Variants in PHF13 observed in about 807,000 individuals in gnomAD.
PHF13 encodes the protein PHD finger protein 13.
PHF13 carries 1 observed loss-of-function variant against 25.8 expected under a neutral mutation model. That is an observed-to-expected ratio of 0.04 (90% CI 0.01 to 0.18). The LOEUF (loss-of-function observed/expected upper bound fraction) is 0.18. PHF13 is among the 10% of genes least tolerant of loss of function. The pLI, the probability that PHF13 is intolerant of heterozygous loss-of-function variation, is 1.00. For missense variants in PHF13, 306 were observed against 403.2 expected (o/e 0.76, Z 2.06); for synonymous variants, 195 against 162.4 (o/e 1.20, Z -1.53).
At position 6,621,778 on chromosome 1, in the gene PHF13, C is replaced by G; in HGVS notation, c.*141C>G. 1 of 821,050 alleles carries G rather than the reference C, an allele frequency of 1.2e-6. No homozygotes were observed. Among genetic ancestry groups the G allele is most frequent in the East Asian group, 2.7e-5 (1 of 37,600 alleles). 50.9% of individuals were successfully genotyped at this position (821,050 alleles called of 1,614,324 possible). On this transcript the variant is annotated 3_prime_UTR_variant, in exon 4 of 4. Coordinates refer to ENST00000377648, the MANE Select transcript of PHF13 (RefSeq NM_153812.3). This position sits in a 1 kb window ranked among gnomAD's most constrained non-coding sequence, Gnocchi z 4.8. Reference sequence around the variant, plus strand: ...TTAGGTGCCTAAGCAAAAGGACAGGCTGTCCAAGGTAGAAACTGTACATAG... The same window carrying G: ...TTAGGTGCCTAAGCAAAAGGACAGGGTGTCCAAGGTAGAAACTGTACATAG...
At chr1:6,614,313 G>A in intron 1 of PHF13, 1 of 512,904 alleles carries the variant, frequency 1.9e-6, no homozygotes. Context: ...CGTCCCCTCC[G>A]CGGACCTCCG....
chr1:6,617,864 G>A (rs765335000), intron 2 of PHF13, among the ~76,000 whole-genome samples: 17 of 152,204 alleles, frequency 1.1e-4, no homozygotes, highest in Non-Finnish European at 2.1e-4. Context: ...CTAAGGCATA[G>A]AGAGGGAAAA....
At chr1:6,619,462 C>G (rs1240577082) in intron 2 of PHF13, among the ~76,000 whole-genome samples, 7 of 152,156 alleles carry the variant, frequency 4.6e-5, no homozygotes, top group Non-Finnish European at 4.4e-5. Flanking sequence ...GCCTCAGCCT[C>G]CCAAGTAGCT....
At chr1:6,614,192 G>C in intron 1 of PHF13, 87 bp downstream of exon 1, 8 of 1,275,468 alleles carry the variant, frequency 6.3e-6, no homozygotes, top group Non-Finnish European at 8.9e-6. Flanking sequence ...CGGTCGCCCG[G>C]AGCGCCGCCC....
intron 1 of PHF13, chr1:6,614,331 C>T (rs1557443560): frequency 1.1e-5 from 6 of 527,240 alleles, no homozygotes; most frequent in Admixed American, 4.0e-5. Context: ...CCGCGTCCTC[C>T]CCGCGCCCTT....
Position 6,623,168 on chromosome 1 carries a change from T to C in PHF13, c.*1531T>C, listed in dbSNP as rs1209794926. Reference sequence around the variant, plus strand: ...GCAGACTCTTCCCACCTTCTCCCACTGAAGCACCAAGGGGCTTGAACCGTA... The same window carrying C: ...GCAGACTCTTCCCACCTTCTCCCACCGAAGCACCAAGGGGCTTGAACCGTA... On this transcript the variant is annotated 3_prime_UTR_variant, in exon 4 of 4. Transcript: ENST00000377648. The C allele has an allele frequency of 2.0e-5, 3 of 152,246 alleles. No individual in the cohort carries two copies. The highest frequency in any genetic ancestry group is 7.2e-5 in the African/African-American group (3 of 41,452). 9.4% of individuals were successfully genotyped at this position (152,246 alleles called of 1,614,324 possible).
intron 2 of PHF13, among the ~76,000 whole-genome samples, chr1:6,619,454 C>T (rs1641306953): frequency 6.6e-6 from 1 of 152,138 alleles, no homozygotes; most frequent in Non-Finnish European, 1.5e-5. Flanking sequence ...ATTCTCCTGC[C>T]TCAGCCTCCC....
intron 2 of PHF13, among the ~76,000 whole-genome samples, chr1:6,619,592 G>A (rs1177135455): frequency 6.6e-6 from 1 of 152,100 alleles, no homozygotes; most frequent in African/African-American, 2.4e-5. Flanking sequence ...GCCTGCCTTG[G>A]CGTCCCAGAG....
intron 1 of PHF13, among the ~76,000 whole-genome samples, chr1:6,615,496 G>A (rs1641247380): frequency 6.6e-6 from 1 of 152,068 alleles, no homozygotes; most frequent in Non-Finnish European, 1.5e-5. Flanking sequence ...AAGAAAACCC[G>A]CGGGCCGCAC....
intron 2 of PHF13, among the ~76,000 whole-genome samples, chr1:6,619,099 AAG>A (rs1641302985): frequency 6.6e-6 from 1 of 152,232 alleles, no homozygotes; most frequent in South Asian, 2.1e-4. Flanking sequence ...CTAGTTTTTT[AAG>A]AGTGTCAGGA....
At chr1:6,617,532 G>C (rs1158747548) in intron 2 of PHF13, among the ~76,000 whole-genome samples, 1 of 151,978 alleles carries the variant, frequency 6.6e-6, no homozygotes, top group Non-Finnish European at 1.5e-5. Context: ...CTGCCTCCTG[G>C]GTTCAAGCGA....
chr1:6,621,121 G>A lies in PHF13; in HGVS notation c.677-290G>A, dbSNP rs190113876. Among the ~76,000 whole-genome samples the A allele has an allele frequency of 4.0e-5, 6 of 151,562 alleles. No individual in the cohort carries two copies. The East Asian group carries it at 1.2e-3, about 29-fold the overall frequency. ...GCTGAGGTGGGAGGATGGCTTGACT[G>A]CAGGAGTTTGAGGCTGCAGTGAGGT... On this transcript the variant is annotated intron_variant, in intron 3 of 3. Coordinates refer to ENST00000377648, the MANE Select transcript of PHF13 (RefSeq NM_153812.3). The surrounding 1 kb of genome is among the most constrained non-coding windows in gnomAD (Gnocchi z 4.8).
At position 6,613,987 on chromosome 1, in the gene PHF13, G is replaced by C. The variant is rs1641210401; in HGVS notation, c.-80G>C. The C allele has an allele frequency of 3.9e-6, 4 of 1,035,828 alleles. No homozygotes were observed. The highest frequency in any genetic ancestry group is 2.7e-4 in the Middle Eastern group (1 of 3,760). 64.2% of individuals were successfully genotyped at this position (1,035,828 alleles called of 1,614,324 possible). On this transcript the variant is annotated 5_prime_UTR_variant, in exon 1 of 4. Coordinates refer to ENST00000377648, the MANE Select transcript of PHF13 (RefSeq NM_153812.3). Reference sequence around the variant, plus strand: ...CCGCCCTCGCCCTGCGCAGCCGCCCGAGCCCCCAGCCCCGGGCGGCCCCGC... The same window carrying C: ...CCGCCCTCGCCCTGCGCAGCCGCCCCAGCCCCCAGCCCCGGGCGGCCCCGC...
At chr1:6,619,727 T>G in intron 2 of PHF13, 76 bp from the exon 3 acceptor site, 1 of 1,442,748 alleles carries the variant, frequency 6.9e-7, no homozygotes, top group South Asian at 1.3e-5. Context: ...CTGACATGGC[T>G]GGGTGGCTGG....
Position 6,613,941 on chromosome 1 carries a change from C to A in PHF13, c.-126C>A. 1 of 594,244 alleles carries A rather than the reference C, an allele frequency of 1.7e-6. No homozygotes were observed. The highest frequency in any genetic ancestry group is 2.9e-6 in the Non-Finnish European group (1 of 347,576). The allele number at this position is 594,244 out of a possible 1,614,324, so 36.8% of individuals were successfully genotyped here. A position where few individuals can be genotyped will look rare whatever the true frequency, so the allele number is the denominator to read the frequency against. ...GCGCTGAGCCCCCCATCACCTCCAG[C>A]CCGGGCGACCCCTCCCGGGTCCGCC... On this transcript the variant is annotated 5_prime_UTR_variant, in exon 1 of 4. Transcript: ENST00000377648.
At chr1:6,615,906 A>G (rs1487671289) in intron 1 of PHF13, among the ~76,000 whole-genome samples, 1 of 151,992 alleles carries the variant, frequency 6.6e-6, no homozygotes, top group African/African-American at 2.4e-5. Context: ...TGGCTGGGAC[A>G]GTGGAGGGGA....
intron 1 of PHF13, chr1:6,614,718 C>G (rs1030934395): frequency 2.6e-5 from 4 of 151,230 alleles, no homozygotes; most frequent in Admixed American, 6.6e-5. Context: ...CCCACCGCCC[C>G]CCGGCGCGCT....
chr1:6,617,697 GGATTACAA>G (rs754069119), intron 2 of PHF13, among the ~76,000 whole-genome samples: 14 of 152,148 alleles, frequency 9.2e-5, no homozygotes, highest in Non-Finnish European at 2.1e-4. Context: ...AAAAGTGCTG[GGATTACAA>G]GCGTTGAGCC....
In PHF13 at chr1:6,616,748, C is replaced by A. The variant is rs769344732; in HGVS notation, c.40-9C>A. 1 of 1,609,978 alleles carries A rather than the reference C, an allele frequency of 6.2e-7. No homozygotes were observed. Among genetic ancestry groups the A allele is most frequent in the Non-Finnish European group, 8.5e-7 (1 of 1,176,210 alleles). On this transcript the variant is annotated splice_polypyrimidine_tract_variant and intron_variant, in intron 1 of 3. Transcript: ENST00000377648. ...TTCAAACACATTCCCTTTTCTCTCC[C>A]CTTAATAGGAATACTCCCCCAGTTG...
Sources: allele counts gnomAD v4.1 joint callset (sites outside exome capture counted in the v4.1 genomes callset), GRCh38; gene constraint gnomAD v4.1.1; non-coding constraint Gnocchi (gnomAD v3.1); transcripts MANE v1.5; gene names NCBI Gene and HGNC (gene_info 2026-07-23, HGNC 2026-07-21).